FAM186B: variants seen among roughly 807,000 people sequenced by gnomAD.
The protein encoded by FAM186B is protein FAM186B.
FAM186B carries 68 observed loss-of-function variants against 83.4 expected under a neutral mutation model. That is an observed-to-expected ratio of 0.81 (90% CI 0.67 to 1.00). FAM186B has a LOEUF of 1.00. FAM186B is among the 50% of genes least tolerant of loss of function. The probability of loss-of-function intolerance (pLI) is 0.00; values close to 1 mark genes in which losing one functional copy is unlikely to be tolerated. For synonymous variants in FAM186B, 389 were observed against 422.0 expected, an observed-to-expected ratio of 0.92 and a Z score of 0.96; for missense variants, 983 against 1,099.2, an observed-to-expected ratio of 0.89 and a Z score of 1.49.
At chr12:49,619,859 T>C in the FAM186B span, among the ~76,000 whole-genome samples, 150 of 151,784 alleles carry the variant, frequency 9.9e-4, no homozygotes, top group Non-Finnish European at 1.8e-3. Context: ...ATTTTTTTTT[T>C]AGTAGAGACG....
chr12:49,605,601 A>G lies in FAM186B; in HGVS notation c.-124T>C. 3 of 977,524 alleles carry G rather than the reference A, an allele frequency of 3.1e-6. No individual in the cohort carries two copies. Among genetic ancestry groups the G allele is most frequent in the Non-Finnish European group, 3.0e-6 (2 of 670,172 alleles). 60.6% of individuals were successfully genotyped at this position (977,524 alleles called of 1,614,324 possible). ...TCTCCTGGGTACCCTCTGCCCAGGC[A>G]CAGCTCCTCTGGTAACTGCCAAACA... is the stretch of plus-strand genomic sequence containing the variant. On this transcript the variant is annotated 5_prime_UTR_variant, in exon 1 of 7. Transcript: ENST00000257894.
the FAM186B span, among the ~76,000 whole-genome samples, chr12:49,621,254 A>G: frequency 1.3e-5 from 2 of 152,150 alleles, no homozygotes; most frequent in Non-Finnish European, 2.9e-5. Context: ...GTGGTGGCGC[A>G]TGCCTGGAGT....
chr12:49,617,727 T>A, the FAM186B span, among the ~76,000 whole-genome samples: 2 of 152,044 alleles, frequency 1.3e-5, no homozygotes, highest in Non-Finnish European at 2.9e-5. Context: ...AGTTTCTGGG[T>A]AAAAAATGGT....
upstream of FAM186B, among the ~76,000 whole-genome samples, chr12:49,608,970 G>A (rs565736243): frequency 6.6e-6 from 1 of 152,282 alleles, no homozygotes; most frequent in African/African-American, 2.4e-5. Context: ...TACAAAGTTA[G>A]TCATTCTTTG....
chr12:49,615,995 G>A, the FAM186B span, among the ~76,000 whole-genome samples: 714 of 152,040 alleles, frequency 4.7e-3, no homozygotes, highest in East Asian at 0.023. Flanking sequence ...GTATATTGCC[G>A]GTGGGAATGT....
chr12:49,586,755 C>T (rs1939451040), downstream of FAM186B, among the ~76,000 whole-genome samples: 1 of 152,242 alleles, frequency 6.6e-6, no homozygotes, highest in Non-Finnish European at 1.5e-5. Context: ...CAGGTTTCTG[C>T]ACTGGGTGGG....
At position 49,604,315 on chromosome 12, in the gene FAM186B, C is replaced by T; in HGVS notation, c.320G>A (p.Trp107Ter). 6.2e-7 allele frequency: 1 copy of T among 1,612,660 alleles called. No individual in the cohort carries two copies. Among genetic ancestry groups the T allele is most frequent in the Non-Finnish European group, 8.5e-7 (1 of 1,178,682 alleles). Residue 107 changes from tryptophan (W) to a stop codon, truncating the protein, a stop_gained and splice_region_variant, in exon 2 of 7, where the codon TGG becomes TAG. Coordinates refer to ENST00000257894, the MANE Select transcript of FAM186B (RefSeq NM_032130.3). LOFTEE classifies it high-confidence loss of function. ...LYDILRWLGD[W>*]GDTLTYEIGP... ...CGGTGCCCAGCCTGCAAACTCACCC[C>T]AGTCACCCAGCCAGCGGAGAATGTC...
chr12:49,585,288 G>T (rs745607525), downstream of FAM186B, among the ~76,000 whole-genome samples: 1 of 152,162 alleles, frequency 6.6e-6, no homozygotes, highest in Non-Finnish European at 1.5e-5. Context: ...AAAGTGCTGG[G>T]ATTACAGGCG....
chr12:49,584,674 G>T, downstream of FAM186B: 1 of 700,868 alleles, frequency 1.4e-6, no homozygotes, highest in Non-Finnish European at 2.6e-6. Flanking sequence ...CAGGCCATGT[G>T]AGTGCCATCC....
downstream of FAM186B, chr12:49,583,138 T>A: frequency 2.2e-6 from 1 of 448,016 alleles, no homozygotes; most frequent in East Asian, 7.0e-5. Flanking sequence ...TTTGAAAATA[T>A]GGGTGCCAAA....
chr12:49,604,410 C>G lies in FAM186B; in HGVS notation c.225G>C (p.Lys75Asn). Residue 75 changes from lysine to asparagine, a missense_variant, in exon 2 of 7, where the codon AAG becomes AAC. Lys to Asn is a moderately conservative substitution (Grantham distance 94, BLOSUM62 0). Transcript: ENST00000257894. ...CAATTTTTTCCAGCAAGATGAATCT[C>G]TTCTTGCCCTTTGGATCTCTCTGCT... The part of the protein sequence containing the change: ...KSQQRDPKGK[K>N]RFILLEKIAS... The G allele has an allele frequency of 1.9e-6, 3 of 1,614,252 alleles. No individual in the cohort carries two copies. The highest frequency in any genetic ancestry group is 2.5e-6 in the Non-Finnish European group (3 of 1,180,044).
the FAM186B span, among the ~76,000 whole-genome samples, chr12:49,616,644 C>T: frequency 1.3e-5 from 2 of 152,128 alleles, no homozygotes; most frequent in Non-Finnish European, 2.9e-5. Context: ...TATAATTCCA[C>T]TTATATGAAA....
At chr12:49,605,757 TC>T (rs377238329), upstream of FAM186B, 419 of 229,790 alleles carry the variant, frequency 1.8e-3, 4 homozygotes, top group African/African-American at 4.5e-3. Flanking sequence ...TGTTGCCTTT[TC>T]TTTTTTTTTT....
Position 49,604,630 on chromosome 12 carries a change from C to T in FAM186B, c.97-92G>A, listed in dbSNP as rs145653809. 4.3e-4 allele frequency: 397 copies of T among 920,352 alleles called. 2 individuals are homozygous for T. The African/African-American group carries it at 5.9e-3, about 14-fold the overall frequency. The allele number at this position is 920,352 out of a possible 1,614,324, so 57.0% of individuals were successfully genotyped here. On this transcript the variant is annotated intron_variant, in intron 1 of 6. Coordinates refer to ENST00000257894, the MANE Select transcript of FAM186B (RefSeq NM_032130.3). ...CGTGACCTTGGACAAGTCGCTTAGCCTCTTTGGGTCTCAGTTTTCTTATAT... is the reference window on the plus strand; with the variant it reads ...CGTGACCTTGGACAAGTCGCTTAGCTTCTTTGGGTCTCAGTTTTCTTATAT...
At chr12:49,613,315 CAGG>C in the FAM186B span, among the ~76,000 whole-genome samples, 1 of 151,888 alleles carries the variant, frequency 6.6e-6, no homozygotes, top group Non-Finnish European at 1.5e-5. Flanking sequence ...ATCACGAGGT[CAGG>C]AGATCGAGAC....
the FAM186B span, among the ~76,000 whole-genome samples, chr12:49,614,719 CCT>C: frequency 5.3e-5 from 8 of 152,046 alleles, no homozygotes; most frequent in South Asian, 2.1e-4. Flanking sequence ...ACATGTACCC[CCT>C]GAGTCTAAAG....
At chr12:49,620,204 T>C in the FAM186B span, among the ~76,000 whole-genome samples, 2 of 152,160 alleles carry the variant, frequency 1.3e-5, no homozygotes, top group Non-Finnish European at 1.5e-5. Flanking sequence ...CTTCTTAAAC[T>C]GTTAGGATAA....
intron 5 of FAM186B, among the ~76,000 whole-genome samples, chr12:49,597,060 C>G (rs1939744004): frequency 6.6e-6 from 1 of 152,096 alleles, no homozygotes; most frequent in East Asian, 1.9e-4. Flanking sequence ...TTCTGACTGC[C>G]TAGAGTATTC....
intron 5 of FAM186B, among the ~76,000 whole-genome samples, chr12:49,589,229 C>T (rs1939521732): frequency 6.6e-6 from 1 of 152,238 alleles, no homozygotes. Context: ...ACTCAGGCCA[C>T]TGCCACTCAA....
Sources: gnomAD v4.1 joint callset for allele counts (sites outside exome capture counted in the v4.1 genomes callset) on GRCh38, gnomAD v4.1.1 for gene constraint, MANE v1.5 for transcripts, NCBI Gene and HGNC (gene_info 2026-07-23, HGNC 2026-07-21) for gene names.